The following CSMD1 variants were observed in gnomAD, a reference collection of about 807,000 sequenced individuals.
The protein encoded by CSMD1 is CUB and Sushi multiple domains 1, also known as CUB and sushi domain-containing protein 1.
A neutral mutation model predicts 417.5 loss-of-function variants in CSMD1; 213 were observed. The observed-to-expected ratio is 0.51, with a 90% confidence interval of 0.46 to 0.57. The LOEUF (loss-of-function observed/expected upper bound fraction) is 0.57, where lower values mean the gene tolerates loss of function less well. Among genes scored for constraint, CSMD1 ranks in the 20% least tolerant of loss-of-function variants. CSMD1 has a pLI of 0.00. For synonymous variants in CSMD1, 2,862 were observed against 1,736.8 expected (o/e 1.65, Z -16.11); for missense variants, 6,923 against 4,529.7 (o/e 1.53, Z -15.17).
At chr8:2,947,435 G>A (rs1166240946) in intron 68 of CSMD1, among the ~76,000 whole-genome samples, 3 of 152,162 alleles carry the variant, frequency 2.0e-5, no homozygotes, top group East Asian at 3.8e-4. Flanking sequence ...TTAGTTGAAG[G>A]GGGGACTTAC....
chr8:3,682,376 G>T (rs1018378406), intron 7 of CSMD1, among the ~76,000 whole-genome samples: 1 of 152,144 alleles, frequency 6.6e-6, no homozygotes, highest in African/African-American at 2.4e-5. Flanking sequence ...CAACAAGTGG[G>T]TGAAGGACAT....
At chr8:4,301,044 A>G (rs1015563819) in intron 3 of CSMD1, among the ~76,000 whole-genome samples, 1 of 152,168 alleles carries the variant, frequency 6.6e-6, no homozygotes, top group African/African-American at 2.4e-5. Flanking sequence ...AAACAAAAAG[A>G]AGTCAGAAGG....
intron 1 of CSMD1, among the ~76,000 whole-genome samples, chr8:4,791,398 C>A (rs1031953086): frequency 6.6e-6 from 1 of 152,148 alleles, no homozygotes; most frequent in African/African-American, 2.4e-5. Context: ...CTTTGACTCC[C>A]TGAAAGTTTA....
chr8:4,906,951 T>C (rs2117070597), intron 1 of CSMD1, among the ~76,000 whole-genome samples: 1 of 152,342 alleles, frequency 6.6e-6, no homozygotes, highest in East Asian at 1.9e-4. Context: ...TAGTCTTTCC[T>C]AAATGACTTG....
At chr8:3,987,664 T>C (rs1200806442) in intron 5 of CSMD1, among the ~76,000 whole-genome samples, 1 of 152,116 alleles carries the variant, frequency 6.6e-6, no homozygotes, top group East Asian at 1.9e-4. Context: ...AAGAGACAGT[T>C]CCCAGACAGA....
chr8:3,984,708 T>C (rs2433248), intron 5 of CSMD1, among the ~76,000 whole-genome samples: 1,162 of 11,718 alleles, frequency 0.099, 80 homozygotes, highest in African/African-American at 0.15. Context: ...ATATATCATA[T>C]ATATATATAT....
chr8:3,869,116 C>A (rs569577884), intron 5 of CSMD1, among the ~76,000 whole-genome samples: 2 of 152,278 alleles, frequency 1.3e-5, no homozygotes, highest in South Asian at 4.1e-4. Flanking sequence ...TCCTTGTTCA[C>A]AAGCCAAGAG....
intron 3 of CSMD1, among the ~76,000 whole-genome samples, chr8:4,126,050 T>A (rs1802745439): frequency 6.6e-6 from 1 of 151,944 alleles, no homozygotes; most frequent in Middle Eastern, 3.4e-3. Flanking sequence ...ACTTTTAATC[T>A]GGCCCGACCA....
At chr8:4,717,549 CCTAT>C (rs555540196) in intron 1 of CSMD1, among the ~76,000 whole-genome samples, 5,647 of 148,790 alleles carry the variant, frequency 0.038, 116 homozygotes, top group East Asian at 0.081. Context: ...TGTCTGTCTA[CCTAT>C]CTATCTATCT....
intron 23 of CSMD1, among the ~76,000 whole-genome samples, chr8:3,316,513 G>T (rs997611360): frequency 1.1e-4 from 15 of 134,094 alleles, no homozygotes; most frequent in African/African-American, 4.4e-4. Flanking sequence ...TTGGTAGCTG[G>T]AGGGGTTCAG....
rs573621437 is a variant in CSMD1 at position 4,973,190 on chromosome 8, A to C, written c.85+21142T>G. On this transcript the variant is annotated intron_variant, in intron 1 of 69. Coordinates refer to ENST00000635120, the MANE Select transcript of CSMD1 (RefSeq NM_033225.6). ...CTTGCAGAACACTTTATTACTTTTT[A>C]GTGCCTTTTTGGTTCCTCTCATCAT... 3.3e-5 allele frequency among the ~76,000 whole-genome samples: 5 copies of C among 152,222 alleles called. No individual in the cohort carries two copies. The East Asian group carries it at 7.7e-4, about 24-fold the overall frequency.
At chr8:4,303,206 C>A (rs1262108806) in intron 3 of CSMD1, among the ~76,000 whole-genome samples, 1 of 152,074 alleles carries the variant, frequency 6.6e-6, no homozygotes, top group Non-Finnish European at 1.5e-5. Flanking sequence ...AGAATAACAT[C>A]TGTTAACAGA....
At chr8:4,463,332 G>T (rs1563202752) in intron 2 of CSMD1, among the ~76,000 whole-genome samples, 1 of 152,158 alleles carries the variant, frequency 6.6e-6, no homozygotes, top group Non-Finnish European at 1.5e-5. Flanking sequence ...CCTATGGCTG[G>T]TGAGAATATA....
intron 1 of CSMD1, among the ~76,000 whole-genome samples, chr8:4,741,947 T>C (rs894264100): frequency 2.8e-5 from 4 of 141,484 alleles, no homozygotes; most frequent in African/African-American, 7.8e-5. Context: ...AATCTTCCCA[T>C]CTTAGCCTCC....
chr8:4,770,875 G>T (rs1006453845), intron 1 of CSMD1, among the ~76,000 whole-genome samples: 3 of 152,038 alleles, frequency 2.0e-5, no homozygotes, highest in East Asian at 1.9e-4. Context: ...CAGGGGAAAT[G>T]CTCGTTAACA....
In CSMD1 at chr8:4,624,977, T is replaced by G. The variant is rs187551243; in HGVS notation, c.302+12365A>C. ...AACATAACTCTTTGAATGGATGAGT[T>G]TATCATCACCTTATTCTTTATTCAG... On this transcript the variant is annotated intron_variant, in intron 2 of 69. Transcript: ENST00000635120. 1.1e-3 allele frequency among the ~76,000 whole-genome samples: 167 copies of G among 152,272 alleles called. 2 individuals are homozygous for G. The highest frequency in any genetic ancestry group is 3.8e-3 in the African/African-American group (159 of 41,558).
chr8:4,602,662 T>C (rs985407338), intron 2 of CSMD1, among the ~76,000 whole-genome samples: 1 of 152,184 alleles, frequency 6.6e-6, no homozygotes, highest in East Asian at 1.9e-4. Context: ...AAGTGGCAAA[T>C]ACTTCTTGGC....
intron 5 of CSMD1, among the ~76,000 whole-genome samples, chr8:3,965,378 C>T (rs2627478): frequency 0.71 from 108,530 of 152,044 alleles, 39,474 homozygotes; most frequent in East Asian, 0.94. Flanking sequence ...TGTGAACAAG[C>T]GTTCTACAAA....
intron 5 of CSMD1, among the ~76,000 whole-genome samples, chr8:3,759,877 C>G (rs936259887): frequency 7.0e-6 from 1 of 142,538 alleles, no homozygotes; most frequent in Non-Finnish European, 1.5e-5. Context: ...CTGTTGCACT[C>G]TAGCCTGGGT....
Sources: allele counts gnomAD v4.1 joint callset (sites outside exome capture counted in the v4.1 genomes callset), GRCh38; gene constraint gnomAD v4.1.1; transcripts MANE v1.5; gene names NCBI Gene and HGNC (gene_info 2026-07-23, HGNC 2026-07-21).